Variants in SYT10 observed in about 807,000 individuals in gnomAD.
SYT10 encodes synaptotagmin-10.
Under a neutral mutation model 51.1 loss-of-function variants are expected in SYT10, and 31 were observed. The observed-to-expected ratio is 0.61, with a 90% CI of 0.46 to 0.82. The LOEUF (loss-of-function observed/expected upper bound fraction) is 0.82. SYT10 is among the 40% of genes least tolerant of loss of function. The pLI, the probability that SYT10 is intolerant of heterozygous loss-of-function variation, is 0.00. For synonymous variants in SYT10, 233 were observed against 225.9 expected (o/e 1.03, Z -0.28); for missense variants, 603 against 634.0 (o/e 0.95, Z 0.53).
At chr12:33,394,840 G>A (rs943696067) in intron 3 of SYT10, among the ~76,000 whole-genome samples, 1 of 152,218 alleles carries the variant, frequency 6.6e-6, no homozygotes, top group African/African-American at 2.4e-5. Flanking sequence ...TGTAAACCCA[G>A]CACTTTGGGA....
In SYT10 at chr12:33,439,637, T is replaced by A; in HGVS notation, c.-115A>T. On this transcript the variant is annotated 5_prime_UTR_variant, in exon 1 of 7. Transcript: ENST00000228567. Reference sequence around the variant, plus strand: ...ATAGTCCGCCCGCGGTGACTTTGGCTGGAGATTGCGCCGCTGAGAGCCGGC... The same window carrying A: ...ATAGTCCGCCCGCGGTGACTTTGGCAGGAGATTGCGCCGCTGAGAGCCGGC... The A allele has an allele frequency of 7.5e-7, 1 of 1,325,472 alleles. No individual in the cohort carries two copies. The highest frequency in any genetic ancestry group is 1.0e-6 in the Non-Finnish European group (1 of 976,826). The allele number at this position is 1,325,472 out of a possible 1,614,324, so 82.1% of individuals were successfully genotyped here.
intron 3 of SYT10, among the ~76,000 whole-genome samples, chr12:33,403,620 GTT>G (rs1416221818): frequency 6.6e-6 from 1 of 152,032 alleles, no homozygotes; most frequent in African/African-American, 2.4e-5. Flanking sequence ...GCCTCTGTAG[GTT>G]TCCGCAGGAC....
At chr12:33,420,391 T>C (rs1187197076) in intron 2 of SYT10, among the ~76,000 whole-genome samples, 1 of 152,066 alleles carries the variant, frequency 6.6e-6, no homozygotes, top group Non-Finnish European at 1.5e-5. Context: ...TTTATTCACA[T>C]TATGTAGAAG....
chr12:33,412,677 G>A (rs1308986153), intron 2 of SYT10, among the ~76,000 whole-genome samples: 2 of 152,068 alleles, frequency 1.3e-5, no homozygotes, highest in African/African-American at 2.4e-5. Context: ...ACCAAAACCC[G>A]ATCTGTACGT....
At chr12:33,399,329 T>C (rs1009217973) in intron 3 of SYT10, among the ~76,000 whole-genome samples, 1 of 152,218 alleles carries the variant, frequency 6.6e-6, no homozygotes, top group Admixed American at 6.5e-5. Flanking sequence ...CTGAATTACA[T>C]TTAAAACTGG....
chr12:33,375,963 A>G lies in SYT10; in HGVS notation c.*867T>C, dbSNP rs1488295736. ...CAAAAAATACACGTCACAAAAAAATACATGTCACAGTACTTGAGAACCTTA... is the reference window on the plus strand; with the variant it reads ...CAAAAAATACACGTCACAAAAAAATGCATGTCACAGTACTTGAGAACCTTA... On this transcript the variant is annotated 3_prime_UTR_variant, in exon 7 of 7. Transcript: ENST00000228567. 2 of 152,596 alleles carry G rather than the reference A, an allele frequency of 1.3e-5. No individual in the cohort carries two copies. Among genetic ancestry groups the G allele is most frequent in the African/African-American group, 4.8e-5 (2 of 41,462 alleles). 9.5% of individuals were successfully genotyped at this position (152,596 alleles called of 1,614,324 possible).
In SYT10 at chr12:33,426,139, G is replaced by A; in HGVS notation, c.508C>T (p.Arg170Cys). ...RQITEPTSST[R>C]HSSFRRHLPR... is the part of the protein sequence containing the mutation. Reference sequence around the variant, plus strand: ...TTTATATATTTAATCTTTCCTTACCGGGTTGATGACGTAGGCTCAGTAATT... The same window carrying A: ...TTTATATATTTAATCTTTCCTTACCAGGTTGATGACGTAGGCTCAGTAATT... Residue 170 changes from arginine to cysteine, a missense_variant and splice_region_variant, in exon 2 of 7, where the codon CGC becomes TGC. Physicochemically the swap from Arg to Cys is radical, Grantham distance 180. Transcript: ENST00000228567. 6.3e-7 allele frequency: 1 copy of A among 1,595,532 alleles called. No homozygotes were observed. The highest frequency in any genetic ancestry group is 8.5e-7 in the Non-Finnish European group (1 of 1,173,936).
chr12:33,379,568 AAAAAAAAAAAAAG>A (rs1866095459), intron 6 of SYT10, among the ~76,000 whole-genome samples: 1 of 147,184 alleles, frequency 6.8e-6, no homozygotes, highest in African/African-American at 2.6e-5. Context: ...AAAAAAAAAA[AAAAAAAAAAAAAG>A]AGACTTGCAA....
chr12:33,430,188 ATGTC>A, intron 1 of SYT10, among the ~76,000 whole-genome samples: 1 of 152,338 alleles, frequency 6.6e-6, no homozygotes, highest in Non-Finnish European at 1.5e-5. Flanking sequence ...CACTGTCTAT[ATGTC>A]TGTCGGTCTG....
intron 2 of SYT10, among the ~76,000 whole-genome samples, 172 bp downstream of exon 2, chr12:33,425,966 C>T (rs1866547176): frequency 1.3e-5 from 2 of 151,352 alleles, no homozygotes; most frequent in Non-Finnish European, 2.9e-5. Context: ...TCTGTCCTAC[C>T]CTTTCTCTCT....
chr12:33,433,536 G>C, intron 1 of SYT10, among the ~76,000 whole-genome samples: 1 of 152,160 alleles, frequency 6.6e-6, no homozygotes. Context: ...GTTCAAAGTC[G>C]TGCATTTCAA....
chr12:33,433,173 T>C (rs941870789), intron 1 of SYT10, among the ~76,000 whole-genome samples: 6 of 152,286 alleles, frequency 3.9e-5, no homozygotes, highest in African/African-American at 1.2e-4. Flanking sequence ...ACAGAGGAAA[T>C]TGGCATTGTG....
intron 2 of SYT10, among the ~76,000 whole-genome samples, chr12:33,417,844 C>A (rs539867016): frequency 6.6e-6 from 1 of 151,890 alleles, no homozygotes; most frequent in East Asian, 1.9e-4. Flanking sequence ...GGAATTGAAA[C>A]TAAGAAGGAA....
At chr12:33,433,282 C>A (rs550374531) in intron 1 of SYT10, among the ~76,000 whole-genome samples, 2 of 152,188 alleles carry the variant, frequency 1.3e-5, no homozygotes, top group African/African-American at 4.8e-5. Flanking sequence ...GAGTGGGTGA[C>A]TCTCAGCTCT....
intron 3 of SYT10, among the ~76,000 whole-genome samples, chr12:33,404,634 AC>A (rs1866336001): frequency 6.6e-6 from 1 of 152,032 alleles, no homozygotes. Flanking sequence ...CTCGTGATCC[AC>A]CCACCTTGGC....
chr12:33,401,744 C>T (rs943836213), intron 3 of SYT10, among the ~76,000 whole-genome samples: 1 of 152,128 alleles, frequency 6.6e-6, no homozygotes, highest in Non-Finnish European at 1.5e-5. Context: ...TAGGGTACAA[C>T]ATCCCATTGT....
Position 33,385,176 on chromosome 12 carries a change from G to C in SYT10, c.1193C>G (p.Ser398Ter). The C allele has an allele frequency of 6.2e-7, 1 of 1,613,554 alleles. No individual in the cohort carries two copies. Among genetic ancestry groups the C allele is most frequent in the South Asian group, 1.1e-5 (1 of 91,068 alleles). Reference protein sequence around the residue: ...RNLKAMDITGSSDPYVKVSLM... With the variant: ...RNLKAMDITG Reference sequence around the variant, plus strand: ...TGTGGCCATTGTGTACATACCTGATGAGCCAGTAATATCCATCGCCTTCAG... The same window carrying C: ...TGTGGCCATTGTGTACATACCTGATCAGCCAGTAATATCCATCGCCTTCAG... The change falls in exon 4 of 7, where the codon TCA becomes TGA. Residue 398 changes from serine to a stop codon, truncating the protein, a stop_gained. Transcript: ENST00000228567. LOFTEE classifies it high-confidence loss of function.
intron 6 of SYT10, among the ~76,000 whole-genome samples, chr12:33,379,112 C>T (rs1259278194): frequency 6.6e-6 from 1 of 152,118 alleles, no homozygotes; most frequent in Admixed American, 6.6e-5. Context: ...ACTGCACAGC[C>T]TCTCCCATTC....
At chr12:33,396,250 T>C (rs1440290997) in intron 3 of SYT10, among the ~76,000 whole-genome samples, 4 of 152,210 alleles carry the variant, frequency 2.6e-5, no homozygotes, top group Non-Finnish European at 5.9e-5. Flanking sequence ...ATTTTATTTA[T>C]ATACAATTAT....
Sources: gnomAD v4.1 joint callset for allele counts (sites outside exome capture counted in the v4.1 genomes callset) on GRCh38, gnomAD v4.1.1 for gene constraint, MANE v1.5 for transcripts, NCBI Gene and HGNC (gene_info 2026-07-23, HGNC 2026-07-21) for gene names.